LOC400499: variants seen among roughly 807,000 people sequenced by gnomAD.
At chr16:11,406,942 T>G in the LOC400499 span, among the ~76,000 whole-genome samples, 2 of 152,216 alleles carry the variant, frequency 1.3e-5, no homozygotes, top group South Asian at 2.1e-4. Flanking sequence ...GAGTGGACAC[T>G]TGATGAGAGG....
At chr16:11,382,227 C>A in the LOC400499 span, among the ~76,000 whole-genome samples, 2 of 152,216 alleles carry the variant, frequency 1.3e-5, no homozygotes, top group Non-Finnish European at 2.9e-5. Context: ...CATAAGCCAC[C>A]ACACCCGGCA....
At chr16:11,388,420 C>G in the LOC400499 span, among the ~76,000 whole-genome samples, 59 of 152,258 alleles carry the variant, frequency 3.9e-4, no homozygotes, top group Admixed American at 7.8e-4. Flanking sequence ...AACTGAGGCA[C>G]AGAGCACTGA....
the LOC400499 span, among the ~76,000 whole-genome samples, chr16:11,527,395 A>G: frequency 6.6e-6 from 1 of 151,970 alleles, no homozygotes. Context: ...AGAGGAGGGG[A>G]GGGGGCTCCT....
chr16:11,444,293 G>T, the LOC400499 span, among the ~76,000 whole-genome samples: 5 of 152,140 alleles, frequency 3.3e-5, no homozygotes, highest in Non-Finnish European at 7.4e-5. Flanking sequence ...AGCTACTTAG[G>T]AGGCTGAGGT....
At chr16:11,485,126 T>C in the LOC400499 span, 1 of 398,620 alleles carries the variant, frequency 2.5e-6, no homozygotes, top group African/African-American at 2.1e-5. Flanking sequence ...ACAGGGGTGA[T>C]GATGAGCTGT....
the LOC400499 span, among the ~76,000 whole-genome samples, chr16:11,506,328 A>C: frequency 7.9e-5 from 12 of 152,180 alleles, no homozygotes; most frequent in African/African-American, 2.9e-4. Context: ...CCTGGCCACA[A>C]CTTAATGTTT....
chr16:11,402,973 G>A, the LOC400499 span, among the ~76,000 whole-genome samples: 1 of 151,950 alleles, frequency 6.6e-6, no homozygotes, highest in African/African-American at 2.4e-5. Context: ...CTTCCATCTT[G>A]GATGTGACAG....
At chr16:11,390,340 C>T in the LOC400499 span, 1 of 1,233,758 alleles carries the variant, frequency 8.1e-7, no homozygotes, top group Non-Finnish European at 1.0e-6. Context: ...ACCCCCTTTG[C>T]CTGGCATCCC....
the LOC400499 span, chr16:11,443,341 A>G: frequency 2.8e-6 from 1 of 351,424 alleles, no homozygotes; most frequent in Non-Finnish European, 5.5e-6. Context: ...AAAAAAAAAA[A>G]AAAAAAAAAA....
At chr16:11,498,412 G>A in the LOC400499 span, among the ~76,000 whole-genome samples, 4 of 152,150 alleles carry the variant, frequency 2.6e-5, no homozygotes, top group Non-Finnish European at 4.4e-5. Context: ...AACCCGGGAG[G>A]TGGAGGTTGC....
At chr16:11,450,994 G>C in the LOC400499 span, among the ~76,000 whole-genome samples, 1 of 152,208 alleles carries the variant, frequency 6.6e-6, no homozygotes, top group Non-Finnish European at 1.5e-5. Flanking sequence ...CTCATGACAG[G>C]TGTTTGGATC....
At chr16:11,476,332 A>C in the LOC400499 span, among the ~76,000 whole-genome samples, 21 of 152,038 alleles carry the variant, frequency 1.4e-4, no homozygotes, top group Non-Finnish European at 2.9e-4. Context: ...GGTCACAGAC[A>C]AGCATGCCCC....
chr16:11,397,064 T>C, the LOC400499 span, among the ~76,000 whole-genome samples: 16 of 152,138 alleles, frequency 1.1e-4, no homozygotes, highest in Non-Finnish European at 2.2e-4. Context: ...CCATAGACCA[T>C]GCATCTCTAG....
the LOC400499 span, among the ~76,000 whole-genome samples, chr16:11,425,779 GA>G: frequency 6.6e-6 from 1 of 152,146 alleles, no homozygotes; most frequent in Non-Finnish European, 1.5e-5. Context: ...GACGTTTAGA[GA>G]ACATCACCAC....
At chr16:11,399,998 C>G in the LOC400499 span, among the ~76,000 whole-genome samples, 12 of 152,008 alleles carry the variant, frequency 7.9e-5, 1 homozygote, top group East Asian at 2.1e-3. Flanking sequence ...ACTGCCCTGC[C>G]TACCCCCATC....
chr16:11,487,880 G>A, the LOC400499 span, among the ~76,000 whole-genome samples: 1 of 152,080 alleles, frequency 6.6e-6, no homozygotes, highest in African/African-American at 2.4e-5. Flanking sequence ...TTGGGAGGCC[G>A]AGGTAGGCAA....
the LOC400499 span, chr16:11,383,800 C>T: frequency 3.3e-5 from 41 of 1,232,186 alleles, no homozygotes; most frequent in East Asian, 3.2e-4. Flanking sequence ...TCAGGGACAC[C>T]GAGTCACTGT....
chr16:11,387,123 C>T, the LOC400499 span: 1 of 1,232,276 alleles, frequency 8.1e-7, no homozygotes, highest in Admixed American at 4.2e-5. Context: ...TCCCAGGGGC[C>T]CGCCAGCAGG....
the LOC400499 span, among the ~76,000 whole-genome samples, chr16:11,504,971 G>C: frequency 6.6e-6 from 1 of 152,030 alleles, no homozygotes; most frequent in Non-Finnish European, 1.5e-5. Context: ...ACTTAGTAAG[G>C]AGCTTTTACT....
Sources: allele counts gnomAD v4.1 joint callset (sites outside exome capture counted in the v4.1 genomes callset), GRCh38; gene constraint gnomAD v4.1.1; transcripts MANE v1.5.